Variants in EHMT1 observed in about 807,000 individuals in gnomAD.
The protein encoded by EHMT1 is euchromatic histone lysine methyltransferase 1, also known as histone-lysine N-methyltransferase EHMT1.
Under a neutral mutation model 147.2 loss-of-function variants are expected in EHMT1, and 15 were observed. The observed-to-expected ratio is 0.10, with a 90% CI of 0.07 to 0.16. EHMT1 has a LOEUF of 0.16. Ranked by LOEUF, EHMT1 falls within the 10% of genes least tolerant of loss-of-function variation. EHMT1 has a pLI of 1.00. For missense variants in EHMT1, 1,587 were observed against 1,772.4 expected, an observed-to-expected ratio of 0.90 and a Z score of 1.88; for synonymous variants, 795 against 709.6, an observed-to-expected ratio of 1.12 and a Z score of -1.91.
In EHMT1 at chr9:137,813,557, C is replaced by T. The variant is rs1306065478; in HGVS notation, c.3180+27C>T. ...TGAGTGACGGCAGATGAAGGGCTGA[C>T]TCAGGCCAGGACATGGGACAGGCAG... is the stretch of plus-strand genomic sequence containing the variant. On this transcript the variant is annotated intron_variant, in intron 21 of 26. Coordinates refer to ENST00000460843, the MANE Select transcript of EHMT1 (RefSeq NM_024757.5). The surrounding 1 kb of genome is among the most constrained non-coding windows in gnomAD (Gnocchi z 4.9). 1 of 1,612,964 alleles carries T rather than the reference C, an allele frequency of 6.2e-7. No homozygotes were observed. The highest frequency in any genetic ancestry group is 8.5e-7 in the Non-Finnish European group (1 of 1,179,934).
At position 137,717,112 on chromosome 9, in the gene EHMT1, T is replaced by A. The variant is rs1296982332; in HGVS notation, c.572T>A (p.Leu191His). 6.2e-7 allele frequency: 1 copy of A among 1,612,464 alleles called. No individual in the cohort carries two copies. Among genetic ancestry groups the A allele is most frequent in the South Asian group, 1.1e-5 (1 of 91,084 alleles). The change falls in exon 3 of 27, where the codon CTC (leucine) becomes CAC (histidine). Residue 191 changes from leucine to histidine, a missense_variant. Transcript: ENST00000460843. ...EGSADTEDRK[L>H]PAPGADVKVH... ...AGTGCTGACACAGAGGACAGGAAGC[T>A]CCCGGCCCCTGGCGCCGACGTCAAG...
At chr9:137,692,979 G>A (rs1178354527) in intron 1 of EHMT1, among the ~76,000 whole-genome samples, 3 of 152,162 alleles carry the variant, frequency 2.0e-5, no homozygotes, top group Admixed American at 6.5e-5. Flanking sequence ...CCTTGGAATC[G>A]GCTGGACGGC....
chr9:137,714,426 TATTA>T (rs1474128393), intron 2 of EHMT1, among the ~76,000 whole-genome samples: 5 of 152,196 alleles, frequency 3.3e-5, no homozygotes, highest in African/African-American at 1.2e-4. Flanking sequence ...ATATTTGGCA[TATTA>T]ATTCATTTTT....
chr9:137,714,927 T>A (rs911671902), intron 2 of EHMT1, among the ~76,000 whole-genome samples: 1 of 152,222 alleles, frequency 6.6e-6, no homozygotes, highest in South Asian at 2.1e-4. Context: ...TATTTAACTT[T>A]TTTTTCAACA....
In EHMT1 at chr9:137,835,060, G is replaced by A; in HGVS notation, c.*107G>A. The A allele has an allele frequency of 7.9e-7, 1 of 1,260,902 alleles. No homozygotes were observed. The highest frequency in any genetic ancestry group is 1.0e-6 in the Non-Finnish European group (1 of 984,140). 78.1% of individuals were successfully genotyped at this position (1,260,902 alleles called of 1,614,324 possible). Reference sequence around the variant, plus strand: ...GCAACCGAAAGGGTCCTTCGGGGCTGCGCCGCCGGCTTCCTGGAGGGGTCG... The same window carrying A: ...GCAACCGAAAGGGTCCTTCGGGGCTACGCCGCCGGCTTCCTGGAGGGGTCG... On this transcript the variant is annotated 3_prime_UTR_variant, in exon 27 of 27. Transcript: ENST00000460843.
chr9:137,717,617 A>G (rs1231193859), intron 3 of EHMT1, among the ~76,000 whole-genome samples: 4 of 144,036 alleles, frequency 2.8e-5, no homozygotes, highest in Non-Finnish European at 5.9e-5. Flanking sequence ...AAAAAAAAAA[A>G]AAAAAAAAAG....
At chr9:137,705,637 C>T (rs1415849439) in intron 1 of EHMT1, among the ~76,000 whole-genome samples, 2 of 152,200 alleles carry the variant, frequency 1.3e-5, no homozygotes, top group Non-Finnish European at 2.9e-5. Context: ...GCGCAGAGGT[C>T]AGGCTGGCTC....
intron 1 of EHMT1, among the ~76,000 whole-genome samples, chr9:137,670,542 CCCT>C (rs1940466438): frequency 6.6e-6 from 1 of 152,172 alleles, no homozygotes. Context: ...CCATCTGCCT[CCCT>C]CCTCTTTGCC....
chr9:137,640,677 G>C (rs553449215), intron 1 of EHMT1, among the ~76,000 whole-genome samples: 1 of 152,230 alleles, frequency 6.6e-6, no homozygotes, highest in African/African-American at 2.4e-5. Flanking sequence ...CATTATAGGG[G>C]CCTGGCGCCC....
At chr9:137,816,249 G>A in intron 23 of EHMT1, 187 bp downstream of exon 23, 1 of 656,794 alleles carries the variant, frequency 1.5e-6, no homozygotes. Flanking sequence ...TAAATCACGA[G>A]TCATGCTTCC....
In EHMT1 at chr9:137,834,496, C is replaced by G. The variant is rs61744215; in HGVS notation, c.3688C>G (p.Arg1230Gly). Residue 1230 changes from arginine (R) to glycine (G), a missense_variant, in exon 26 of 27, where the codon CGC (arginine) becomes GGC (glycine). By Grantham distance (125) the Arg-to-Gly change is moderately radical (BLOSUM62 -2). Transcript: ENST00000460843. ...CCCCCGGATCGCCTTCTTCAGCACC[C>G]GCCTGATCGAGGCCGGCGAGCAGCT... ...RFPRIAFFST[R>G]LIEAGEQLGF... is the part of the protein sequence containing the mutation. 2 of 1,612,110 alleles carry G rather than the reference C, an allele frequency of 1.2e-6. No individual in the cohort carries two copies. The highest frequency in any genetic ancestry group is 1.3e-5 in the African/African-American group (1 of 75,052).
At chr9:137,701,322 C>T (rs1943807568) in intron 1 of EHMT1, among the ~76,000 whole-genome samples, 1 of 150,466 alleles carries the variant, frequency 6.6e-6, no homozygotes, top group African/African-American at 2.5e-5. Flanking sequence ...CTCACTCTGT[C>T]ACCTAGGCTG....
chr9:137,802,390 G>A, intron 18 of EHMT1: 2 of 398,692 alleles, frequency 5.0e-6, no homozygotes, highest in Non-Finnish European at 8.8e-6. Flanking sequence ...AGCCCACAGA[G>A]CTGTGTCTGC....
chr9:137,703,470 G>A (rs997149923), intron 1 of EHMT1, among the ~76,000 whole-genome samples: 3 of 152,146 alleles, frequency 2.0e-5, no homozygotes, highest in African/African-American at 7.2e-5. Flanking sequence ...AAGCAGCCAG[G>A]CCACATCTTG....
intron 22 of EHMT1, chr9:137,814,799 G>A (rs1588863436): frequency 1.7e-6 from 1 of 572,276 alleles, no homozygotes; most frequent in African/African-American, 1.9e-5. Flanking sequence ...CCCAGGAGGA[G>A]GTGCTGCTTA....
chr9:137,660,138 C>G (rs1938927839), intron 1 of EHMT1, among the ~76,000 whole-genome samples: 1 of 151,890 alleles, frequency 6.6e-6, no homozygotes, highest in African/African-American at 2.4e-5. Flanking sequence ...AGCTCGAGAC[C>G]AGCCTGGGCA....
chr9:137,716,814 G>A lies in EHMT1; in HGVS notation c.274G>A (p.Ala92Thr). 6.2e-7 allele frequency: 1 copy of A among 1,613,346 alleles called. No individual in the cohort carries two copies. Among genetic ancestry groups the A allele is most frequent in the Non-Finnish European group, 8.5e-7 (1 of 1,179,890 alleles). ...TGGCACCAACACACTAACTCGGATAGCGGAAAATGGGGTTTCAGAAAGAGA... is the reference window on the plus strand; with the variant it reads ...TGGCACCAACACACTAACTCGGATAACGGAAAATGGGGTTTCAGAAAGAGA... ...QDGTNTLTRI[A>T]ENGVSERDSE... Residue 92 changes from alanine to threonine, a missense_variant, in exon 3 of 27, where the codon GCG becomes ACG. Ala to Thr is a moderately conservative substitution (Grantham distance 58, BLOSUM62 0). Transcript: ENST00000460843.
At chr9:137,796,812 AAC>A (rs35453305) in intron 16 of EHMT1, among the ~76,000 whole-genome samples, 49,331 of 150,674 alleles carry the variant, frequency 0.33, 8,381 homozygotes, top group Admixed American at 0.43. Flanking sequence ...AGCAGATGAA[AAC>A]ACAGGACTGA....
Position 137,728,380 on chromosome 9 carries a change from G to A in EHMT1, c.674G>A (p.Arg225Gln), listed in dbSNP as rs1294543188. 1.1e-5 allele frequency: 18 copies of A among 1,614,080 alleles called. No homozygotes were observed. Among genetic ancestry groups the A allele is most frequent in the African/African-American group, 8.0e-5 (6 of 74,912 alleles). The stretch of plus-strand genomic sequence containing the variant: ...GCCAGTAAAGATCCCAGAGAAGTTC[G>A]AGAAGCTAGAGATCATAAGGAACCA... ...HAASKDPREV[R>Q]EARDHKEPKE... The change falls in exon 4 of 27, where the codon CGA becomes CAA. Residue 225 changes from arginine (R) to glutamine (Q), a missense_variant. Coordinates refer to ENST00000460843, the MANE Select transcript of EHMT1 (RefSeq NM_024757.5).
Sources: gnomAD v4.1 joint callset for allele counts (sites outside exome capture counted in the v4.1 genomes callset) on GRCh38, gnomAD v4.1.1 for gene constraint, Gnocchi (gnomAD v3.1) non-coding constraint, MANE v1.5 for transcripts, NCBI Gene and HGNC (gene_info 2026-07-23, HGNC 2026-07-21) for gene names.